Variants in LDAF1 observed in about 807,000 individuals in gnomAD.
The protein encoded by LDAF1 is PROMETHIN.
LDAF1 carries 7 observed loss-of-function variants against 13.5 expected under a neutral mutation model. That is an observed-to-expected ratio of 0.52 (90% CI 0.29 to 0.97). The LOEUF is 0.97. LDAF1 is among the 50% of genes least tolerant of loss of function. The pLI is 0.07. For synonymous variants in LDAF1, 69 were observed against 77.1 expected, an observed-to-expected ratio of 0.89 and a Z score of 0.55; for missense variants, 148 against 193.2, an observed-to-expected ratio of 0.77 and a Z score of 1.39.
At chr16:21,176,847 C>A (rs963153831) in intron 4 of LDAF1, among the ~76,000 whole-genome samples, 39 of 150,120 alleles carry the variant, frequency 2.6e-4, no homozygotes, top group African/African-American at 9.1e-4. Context: ...GTGCAGTGAG[C>A]TATGATTGTA....
rs1474890989 is a variant in LDAF1, at chr16:21,161,240, C to T, written c.58C>T (p.Leu20=). Residue 20 remains leucine (L), a synonymous_variant, in exon 2 of 5, where the codon CTG becomes TTG. Transcript: ENST00000233047. ...GGACTTGCAGGAACTGCAGAAGAAG[C>T]TGTCTCTGCTGATAGACTCCTTCCA... ...SRDLQELQKK[L]SLLIDSFQNN... 8.7e-6 allele frequency: 14 copies of T among 1,614,110 alleles called. No individual in the cohort carries two copies. Among genetic ancestry groups the T allele is most frequent in the Non-Finnish European group, 1.2e-5 (14 of 1,180,064 alleles).
At chr16:21,173,647 A>C (rs2093110661) in intron 3 of LDAF1, among the ~76,000 whole-genome samples, 2 of 151,878 alleles carry the variant, frequency 1.3e-5, no homozygotes. Flanking sequence ...TGGGAGGCGG[A>C]GGTTGCAGTG....
chr16:21,170,316 T>C lies in LDAF1; in HGVS notation c.97-121T>C, dbSNP rs1364981852. ...CTGCACCCGGCCTGTAGTGACTTGT[T>C]AATGCATAAGCCTTCTGGCTTTACG... On this transcript the variant is annotated intron_variant, in intron 2 of 4. Transcript: ENST00000233047. 5 of 1,544,072 alleles carry C rather than the reference T, an allele frequency of 3.2e-6. No homozygotes were observed. The East Asian group carries it at 1.1e-4, about 35-fold the overall frequency.
chr16:21,170,097 G>A lies in LDAF1; in HGVS notation c.97-340G>A, dbSNP rs534447428. The A allele has an allele frequency of 1.9e-5, 3 of 156,546 alleles. No individual in the cohort carries two copies. In the East Asian group the frequency reaches 5.8e-4, roughly 30 times the overall value. The allele number at this position is 156,546 out of a possible 1,614,324, so 9.7% of individuals were successfully genotyped here. On this transcript the variant is annotated intron_variant, in intron 2 of 4. Transcript: ENST00000233047. ...GGCTCACTGCAACCTCTGTCTCCCA[G>A]GTTCAAGCAATTCTCCTGCCTCAGC...
chr16:21,169,601 G>A (rs534316038), intron 2 of LDAF1, among the ~76,000 whole-genome samples: 4 of 152,216 alleles, frequency 2.6e-5, no homozygotes, highest in South Asian at 2.1e-4. Flanking sequence ...GAGCCACCAC[G>A]CCCAGCCAGA....
In LDAF1 at chr16:21,175,592, A is replaced by G. The variant is rs532486395; in HGVS notation, c.404+1444A>G. On this transcript the variant is annotated intron_variant, in intron 4 of 4. Coordinates refer to ENST00000233047, the MANE Select transcript of LDAF1 (RefSeq NM_001301771.2). ...TGTTGCCGTAGCATGAAGGCAGCAC[A>G]GACCAGGAAGTAAATGCATGGGCAT... Among the ~76,000 whole-genome samples, 11 of 152,378 alleles carry G rather than the reference A, an allele frequency of 7.2e-5. No individual in the cohort carries two copies. In the South Asian group the frequency reaches 2.1e-3, roughly 29 times the overall value.
rs930898658 is a variant in LDAF1 at position 21,179,563 on chromosome 16, G to A, written c.*7G>A. On this transcript the variant is annotated 3_prime_UTR_variant, in exon 5 of 5. Coordinates refer to ENST00000233047, the MANE Select transcript of LDAF1 (RefSeq NM_001301771.2). ...GGGGCTTTACCAGGAATGAGTGACT[G>A]CTCAGAGGCCGGGCTTCTTTTCAAG... is the stretch of plus-strand genomic sequence containing the variant. 1.9e-6 allele frequency: 3 copies of A among 1,612,432 alleles called. No homozygotes were observed. Among genetic ancestry groups the A allele is most frequent in the Non-Finnish European group, 2.5e-6 (3 of 1,178,580 alleles).
intron 3 of LDAF1, among the ~76,000 whole-genome samples, chr16:21,173,023 G>T (rs1597558322): frequency 6.6e-6 from 1 of 151,982 alleles, no homozygotes; most frequent in South Asian, 2.1e-4. Context: ...CCCCCCACAG[G>T]CCCCACATTA....
chr16:21,160,446 A>T (rs752129762), intron 1 of LDAF1, among the ~76,000 whole-genome samples: 18 of 152,168 alleles, frequency 1.2e-4, no homozygotes, highest in Non-Finnish European at 2.2e-4. Context: ...CTTAGCAGGG[A>T]TAGACTTACC....
chr16:21,166,878 T>C, intron 2 of LDAF1: 1 of 1,535,770 alleles, frequency 6.5e-7, no homozygotes, highest in Non-Finnish European at 8.7e-7. Context: ...ACTCTGATGA[T>C]GGAGTGTCCA....
intron 2 of LDAF1, among the ~76,000 whole-genome samples, chr16:21,162,717 T>A (rs944177556): frequency 6.6e-6 from 1 of 152,242 alleles, no homozygotes; most frequent in Non-Finnish European, 1.5e-5. Flanking sequence ...TACCAAGCTA[T>A]TTTTAAATTG....
At chr16:21,178,202 C>T in intron 4 of LDAF1, 1 of 985,328 alleles carries the variant, frequency 1.0e-6, no homozygotes, top group Non-Finnish European at 1.2e-6. Flanking sequence ...GGCAAAACCA[C>T]ACTGCTTGGT....
At chr16:21,161,041 G>A in intron 1 of LDAF1, 44 bp from the exon 2 acceptor site, 2 of 1,429,308 alleles carry the variant, frequency 1.4e-6, no homozygotes, top group South Asian at 3.2e-5. Context: ...CGTCGAACCA[G>A]ATGGATGAAG....
At chr16:21,169,561 G>A (rs552209193) in intron 2 of LDAF1, among the ~76,000 whole-genome samples, 116 of 152,116 alleles carry the variant, frequency 7.6e-4, no homozygotes, top group African/African-American at 2.6e-3. Flanking sequence ...TTCCTGCCTC[G>A]ACTTCCCATA....
At chr16:21,163,290 G>A (rs1327080980) in intron 2 of LDAF1, among the ~76,000 whole-genome samples, 1 of 152,142 alleles carries the variant, frequency 6.6e-6, no homozygotes, top group Admixed American at 6.6e-5. Context: ...GACCTCAGCT[G>A]GGAATGTACG....
chr16:21,166,970 C>A, intron 2 of LDAF1: 2 of 1,484,494 alleles, frequency 1.3e-6, no homozygotes, highest in Non-Finnish European at 1.8e-6. Flanking sequence ...TCTTTGGTGG[C>A]TTTTGTCAGA....
chr16:21,168,876 A>AT (rs1295519122), intron 2 of LDAF1, among the ~76,000 whole-genome samples: 2 of 133,780 alleles, frequency 1.5e-5, no homozygotes, highest in African/African-American at 2.8e-5. Flanking sequence ...TTATAATTAT[A>AT]ATTTATATTA....
intron 3 of LDAF1, among the ~76,000 whole-genome samples, chr16:21,171,711 T>G (rs2152847576): frequency 6.6e-6 from 1 of 151,850 alleles, no homozygotes; most frequent in Middle Eastern, 3.4e-3. Context: ...GCCTCTAGAA[T>G]AGTGGTTCTT....
chr16:21,163,720 A>G (rs2092998305), intron 2 of LDAF1, among the ~76,000 whole-genome samples: 1 of 152,200 alleles, frequency 6.6e-6, no homozygotes, highest in African/African-American at 2.4e-5. Flanking sequence ...TGAGGAGGCA[A>G]ATTTACAAAT....
Sources: gnomAD v4.1 joint callset for allele counts (sites outside exome capture counted in the v4.1 genomes callset) on GRCh38, gnomAD v4.1.1 for gene constraint, MANE v1.5 for transcripts, NCBI Gene and HGNC (gene_info 2026-07-23, HGNC 2026-07-21) for gene names.